ISM1: variants seen among roughly 807,000 people sequenced by gnomAD.
ISM1 encodes the protein isthmin-1.
In ISM1, 25 loss-of-function variants were observed where a neutral mutation model predicts 46.3. That is an observed-to-expected ratio of 0.54 (90% CI 0.39 to 0.75). The LOEUF (loss-of-function observed/expected upper bound fraction) is 0.75, where lower values mean the gene tolerates loss of function less well. ISM1 is among the 30% of genes least tolerant of loss of function. The pLI is 0.00. For synonymous variants in ISM1, 255 were observed against 256.7 expected (o/e 0.99, Z 0.06); for missense variants, 536 against 625.4 (o/e 0.86, Z 1.52).
chr20:13,235,151 G>A (rs1307584034), intron 1 of ISM1, among the ~76,000 whole-genome samples: 4 of 152,284 alleles, frequency 2.6e-5, no homozygotes, highest in Non-Finnish European at 4.4e-5. Context: ...GTCAGCTGAG[G>A]TTCAGTAGAT....
rs112501057 is a variant in ISM1 at position 13,270,930 on chromosome 20, A to G, written c.378+187A>G. 0.051 allele frequency among the ~76,000 whole-genome samples: 7,760 copies of G among 152,294 alleles called. 264 individuals are homozygous for G. Among genetic ancestry groups the G allele is most frequent in the Admixed American group, 0.085 (1,306 of 15,304 alleles). ...ATTAAGTGACACCCTTGATTGTGAG[A>G]TGCACAATTATTTTGTGAACCACTC... On this transcript the variant is annotated intron_variant, in intron 2 of 5. Transcript: ENST00000262487.
the ISM1 span, among the ~76,000 whole-genome samples, chr20:13,310,506 T>C: frequency 1.3e-5 from 2 of 152,196 alleles, no homozygotes; most frequent in Admixed American, 6.5e-5. Flanking sequence ...GTATTGACAT[T>C]GGTCTTGGCA....
At chr20:13,223,942 G>C (rs2039482553) in intron 1 of ISM1, among the ~76,000 whole-genome samples, 1 of 152,072 alleles carries the variant, frequency 6.6e-6, no homozygotes, top group Non-Finnish European at 1.5e-5. Flanking sequence ...CCCGGGGTTG[G>C]CCTTTTCCGC....
chr20:13,325,559 A>C, the ISM1 span, among the ~76,000 whole-genome samples: 2 of 152,228 alleles, frequency 1.3e-5, no homozygotes, highest in Non-Finnish European at 2.9e-5. Context: ...ACAGTTACCT[A>C]GTTGTCCCCA....
chr20:13,290,668 A>C (rs887506244), intron 4 of ISM1, among the ~76,000 whole-genome samples: 8 of 152,212 alleles, frequency 5.3e-5, no homozygotes, highest in African/African-American at 9.6e-5. Context: ...AAAACAAAAA[A>C]AGAAAGAAAG....
intron 3 of ISM1, 93 bp downstream of exon 3, chr20:13,279,991 A>G: frequency 7.8e-7 from 1 of 1,282,556 alleles, no homozygotes; most frequent in Non-Finnish European, 1.1e-6. Context: ...TGCTTAGAGC[A>G]TGTGGCTTTT....
chr20:13,263,467 CT>C (rs2040010383), intron 1 of ISM1, among the ~76,000 whole-genome samples: 1 of 152,038 alleles, frequency 6.6e-6, no homozygotes, highest in Non-Finnish European at 1.5e-5. Context: ...TCCTGGTTTT[CT>C]CATCTTAGGA....
At chr20:13,286,643 C>T (rs2040296286) in intron 3 of ISM1, among the ~76,000 whole-genome samples, 1 of 152,132 alleles carries the variant, frequency 6.6e-6, no homozygotes, top group South Asian at 2.1e-4. Flanking sequence ...AGGACACAAC[C>T]ATGAAATCCA....
chr20:13,241,064 T>C (rs946894344), intron 1 of ISM1, among the ~76,000 whole-genome samples: 2 of 152,012 alleles, frequency 1.3e-5, no homozygotes, highest in Non-Finnish European at 2.9e-5. Context: ...GAAGAATGCC[T>C]TAAGGAGAGA....
At position 13,260,807 on chromosome 20, in the gene ISM1, C is replaced by T. The variant is rs570075623; in HGVS notation, c.139-9697C>T. 5.3e-5 allele frequency among the ~76,000 whole-genome samples: 8 copies of T among 152,284 alleles called. 2 individuals are homozygous for T. Among genetic ancestry groups the T allele is most frequent in the African/African-American group, 1.9e-4 (8 of 41,562 alleles). ...TGTGTAACAAACCACACTGGGTTCA[C>T]TAGCTTAAACCCGCAAGGATTTATT... is the stretch of plus-strand genomic sequence containing the variant. On this transcript the variant is annotated intron_variant, in intron 1 of 5. Transcript: ENST00000262487.
At position 13,221,720 on chromosome 20, in the gene ISM1, T is replaced by G; in HGVS notation, c.-57T>G. ...GGCTCCTACTCCTCCTCCCCCGGCG[T>G]CACCGCCGCCGCCGCCGGCCGCCGC... On this transcript the variant is annotated 5_prime_UTR_variant, in exon 1 of 6. Coordinates refer to ENST00000262487, the MANE Select transcript of ISM1 (RefSeq NM_080826.2). The G allele has an allele frequency of 4.5e-6, 6 of 1,322,548 alleles. No individual in the cohort carries two copies. Among genetic ancestry groups the G allele is most frequent in the Non-Finnish European group, 5.8e-6 (6 of 1,037,578 alleles). 81.9% of individuals were successfully genotyped at this position (1,322,548 alleles called of 1,614,324 possible). A position where few individuals can be genotyped will look rare whatever the true frequency, so the allele number is the denominator to read the frequency against.
chr20:13,283,691 C>T (rs1310407587), intron 3 of ISM1, among the ~76,000 whole-genome samples: 1 of 152,052 alleles, frequency 6.6e-6, no homozygotes, highest in Non-Finnish European at 1.5e-5. Flanking sequence ...AGGGAGAGTT[C>T]CAAATAAATA....
chr20:13,283,557 C>G (rs1298175575), intron 3 of ISM1, among the ~76,000 whole-genome samples: 1 of 152,104 alleles, frequency 6.6e-6, no homozygotes, highest in Non-Finnish European at 1.5e-5. Flanking sequence ...AAGACAGACC[C>G]CACTTGTGAT....
At chr20:13,245,120 T>C (rs183484904) in intron 1 of ISM1, 76 of 152,362 alleles carry the variant, frequency 5.0e-4, no homozygotes, top group African/African-American at 1.8e-3. Flanking sequence ...TTCCTTCTTG[T>C]ATTGGTTATC....
chr20:13,223,055 C>T (rs1343505104), intron 1 of ISM1, among the ~76,000 whole-genome samples: 8 of 151,878 alleles, frequency 5.3e-5, no homozygotes, highest in Non-Finnish European at 1.2e-4. Context: ...CCCAGTTACT[C>T]GGGAGGCTGA....
intron 1 of ISM1, among the ~76,000 whole-genome samples, chr20:13,243,304 T>A (rs901396348): frequency 6.6e-6 from 1 of 152,196 alleles, no homozygotes; most frequent in Non-Finnish European, 1.5e-5. Context: ...ATGGAGGCCC[T>A]GATGTCTTCT....
At chr20:13,300,906 G>A (rs2040452405), downstream of ISM1, among the ~76,000 whole-genome samples, 1 of 152,166 alleles carries the variant, frequency 6.6e-6, no homozygotes, top group South Asian at 2.1e-4. Flanking sequence ...CCAGAGCAAA[G>A]GCTTAAGACA....
intron 2 of ISM1, among the ~76,000 whole-genome samples, chr20:13,271,212 T>G (rs147166231): frequency 1.3e-5 from 2 of 152,276 alleles, no homozygotes; most frequent in Non-Finnish European, 2.9e-5. Flanking sequence ...CCTCTAAACT[T>G]GCCTTGGACA....
intron 1 of ISM1, among the ~76,000 whole-genome samples, chr20:13,249,795 G>A (rs1039784444): frequency 1.3e-5 from 1 of 75,444 alleles, no homozygotes; most frequent in Non-Finnish European, 2.6e-5. Flanking sequence ...GTTTTGTTTT[G>A]TTTTGTTTTG....
Sources: allele counts gnomAD v4.1 joint callset (sites outside exome capture counted in the v4.1 genomes callset), GRCh38; gene constraint gnomAD v4.1.1; transcripts MANE v1.5; gene names NCBI Gene and HGNC (gene_info 2026-07-23, HGNC 2026-07-21).